Variants in SND1 observed in about 807,000 individuals in gnomAD.
The protein encoded by SND1 is staphylococcal nuclease and tudor domain containing 1, also known as staphylococcal nuclease domain-containing protein 1.
Under a neutral mutation model 121.7 loss-of-function variants are expected in SND1, and 38 were observed. The ratio of observed to expected loss-of-function variants is 0.31; its 90% CI spans 0.24 to 0.41. The LOEUF is 0.41. Among genes scored for constraint, SND1 ranks in the 10% least tolerant of loss-of-function variants. SND1 has a pLI of 1.00. For missense variants in SND1, 868 were observed against 1,184.6 expected, an observed-to-expected ratio of 0.73 and a Z score of 3.92; for synonymous variants, 401 against 447.4, an observed-to-expected ratio of 0.90 and a Z score of 1.31.
chr7:127,749,169 G>A (rs1313137452), intron 10 of SND1, among the ~76,000 whole-genome samples: 1 of 151,988 alleles, frequency 6.6e-6, no homozygotes, highest in East Asian at 1.9e-4. Flanking sequence ...AACTAGCTGG[G>A]ATTATAGGCA....
chr7:128,054,638 C>T (rs1336007158), intron 16 of SND1, among the ~76,000 whole-genome samples: 1 of 152,308 alleles, frequency 6.6e-6, no homozygotes. Context: ...CTCCTCAGCC[C>T]CCTTTTTCTT....
chr7:127,900,766 T>A (rs1047201393), intron 13 of SND1, among the ~76,000 whole-genome samples: 4 of 152,216 alleles, frequency 2.6e-5, no homozygotes, highest in African/African-American at 9.6e-5. Flanking sequence ...TGTGTGGATA[T>A]ATACTTTCTT....
chr7:127,672,248 A>G (rs529911708), intron 1 of SND1, among the ~76,000 whole-genome samples: 2 of 152,168 alleles, frequency 1.3e-5, no homozygotes, highest in South Asian at 4.2e-4. Flanking sequence ...ACTTCTAACT[A>G]TTGTCTTAAA....
intron 12 of SND1, chr7:127,858,621 C>T: frequency 3.4e-6 from 1 of 290,718 alleles, no homozygotes; most frequent in Non-Finnish European, 6.5e-6. Context: ...ACAAAAACAC[C>T]ACTCTCCTGC....
At chr7:127,785,409 G>A (rs562671141) in intron 10 of SND1, among the ~76,000 whole-genome samples, 22 of 152,184 alleles carry the variant, frequency 1.4e-4, no homozygotes, top group Non-Finnish European at 3.1e-4. Context: ...GAATTCTGAT[G>A]CATGCTCTTC....
rs190392551 is a variant in SND1 at position 127,833,471 on chromosome 7, G to T, written c.1243-10853G>T. On this transcript the variant is annotated intron_variant, in intron 11 of 23. Coordinates refer to ENST00000354725, the MANE Select transcript of SND1 (RefSeq NM_014390.4). ...GTAGAGACTGGGTTTCGCCATGTTG[G>T]TCAGGCTGGTCTCGAACTCTTGACC... Among the ~76,000 whole-genome samples the T allele has an allele frequency of 2.4e-3, 364 of 152,034 alleles. 1 individual carries two copies. Among genetic ancestry groups the T allele is most frequent in the African/African-American group, 8.5e-3 (352 of 41,440 alleles).
At chr7:127,858,882 A>G (rs185426739) in intron 12 of SND1, among the ~76,000 whole-genome samples, 4 of 152,360 alleles carry the variant, frequency 2.6e-5, no homozygotes, top group African/African-American at 9.6e-5. Context: ...TTCTCTGAGT[A>G]GAATGATGGT....
chr7:127,913,477 A>G (rs1800503331), intron 14 of SND1, among the ~76,000 whole-genome samples: 1 of 152,144 alleles, frequency 6.6e-6, no homozygotes, highest in African/African-American at 2.4e-5. Context: ...AAAGTAGCAT[A>G]TTTTTCCAAA....
chr7:128,069,750 G>A (rs373120467), intron 16 of SND1, among the ~76,000 whole-genome samples: 16 of 152,322 alleles, frequency 1.1e-4, no homozygotes, highest in African/African-American at 3.8e-4. Flanking sequence ...GGTAGATGAT[G>A]TTGCAATCCC....
chr7:127,826,776 G>A (rs555926902), intron 11 of SND1, among the ~76,000 whole-genome samples: 3 of 152,014 alleles, frequency 2.0e-5, no homozygotes, highest in Non-Finnish European at 2.9e-5. Context: ...AATTTTTGAC[G>A]TGCTTTTATA....
At chr7:127,923,017 G>A (rs1233225581) in intron 14 of SND1, among the ~76,000 whole-genome samples, 1 of 152,130 alleles carries the variant, frequency 6.6e-6, no homozygotes, top group African/African-American at 2.4e-5. Flanking sequence ...AAGAGACAAG[G>A]CTAGAGTGTC....
chr7:127,732,611 T>TA (rs1011132551), intron 10 of SND1, among the ~76,000 whole-genome samples: 1 of 152,236 alleles, frequency 6.6e-6, no homozygotes, highest in Non-Finnish European at 1.5e-5. Context: ...AGTCACTTTT[T>TA]AAAACATGGA....
chr7:127,687,343 G>A (rs998430498), intron 2 of SND1, among the ~76,000 whole-genome samples: 13 of 152,144 alleles, frequency 8.5e-5, no homozygotes, highest in African/African-American at 3.1e-4. Context: ...GGTTCAGAGG[G>A]TACATTTTCA....
In SND1 at chr7:128,089,587, T is replaced by G. The variant is rs1162234652; in HGVS notation, c.2517T>G (p.His839Gln). The G allele has an allele frequency of 6.2e-7, 1 of 1,614,066 alleles. No individual in the cohort carries two copies. The highest frequency in any genetic ancestry group is 2.2e-5 in the East Asian group (1 of 44,888). The stretch of plus-strand genomic sequence containing the variant: ...AACACCTGAGTGCCGGCTGCCCCCA[T>G]GTCACCCTGCAGTTTGCAGATTCCA... ...NVEHLSAGCP[H>Q]VTLQFADSKG... The change falls in exon 22 of 24, where the codon CAT becomes CAG. Residue 839 changes from histidine (H) to glutamine (Q), a missense_variant. Physicochemically the swap from His to Gln is conservative, Grantham distance 24. Coordinates refer to ENST00000354725, the MANE Select transcript of SND1 (RefSeq NM_014390.4).
rs547103400 is a variant in SND1, at chr7:128,085,886, A to G, written c.2304+106A>G. The stretch of plus-strand genomic sequence containing the variant: ...TCCCTCTGAGCTTACCAATAGAACA[A>G]TGAGCATTGGGGCATCTCTGCTGTG... On this transcript the variant is annotated intron_variant, in intron 20 of 23. Transcript: ENST00000354725. This position sits in a 1 kb window ranked among gnomAD's most constrained non-coding sequence, Gnocchi z 4.4. 3.8e-5 allele frequency: 37 copies of G among 972,500 alleles called. No individual in the cohort carries two copies. The highest frequency in any genetic ancestry group is 2.2e-4 in the Admixed American group (12 of 54,140). The allele number at this position is 972,500 out of a possible 1,614,324, so 60.2% of individuals were successfully genotyped here.
At chr7:127,861,649 A>G (rs966895485) in intron 12 of SND1, among the ~76,000 whole-genome samples, 3 of 151,876 alleles carry the variant, frequency 2.0e-5, no homozygotes, top group African/African-American at 7.3e-5. Context: ...TAATTTTTAC[A>G]TTTTTTAGTA....
At chr7:127,695,952 A>G (rs1027263823) in intron 3 of SND1, among the ~76,000 whole-genome samples, 1 of 152,190 alleles carries the variant, frequency 6.6e-6, no homozygotes, top group African/African-American at 2.4e-5. Flanking sequence ...AGGTAGTAAG[A>G]GAATAAGATT....
At chr7:127,653,696 C>T (rs1362274067) in intron 1 of SND1, among the ~76,000 whole-genome samples, 2 of 152,174 alleles carry the variant, frequency 1.3e-5, no homozygotes, top group Non-Finnish European at 2.9e-5. Context: ...AAATGTTCTG[C>T]AGCTTATGTG....
chr7:127,714,655 C>G (rs1427459036), intron 9 of SND1, among the ~76,000 whole-genome samples: 1 of 152,192 alleles, frequency 6.6e-6, no homozygotes, highest in Admixed American at 6.6e-5. Flanking sequence ...CCCTCTGTTT[C>G]CCCTCTTCCA....
Sources: gnomAD v4.1 joint callset for allele counts (sites outside exome capture counted in the v4.1 genomes callset) on GRCh38, gnomAD v4.1.1 for gene constraint, Gnocchi (gnomAD v3.1) non-coding constraint, MANE v1.5 for transcripts, NCBI Gene and HGNC (gene_info 2026-07-23, HGNC 2026-07-21) for gene names.